The following MMS22L variants were observed in gnomAD, a reference collection of about 807,000 sequenced individuals.
MMS22L encodes the protein MMS22 like, DNA repair protein.
MMS22L carries 74 observed loss-of-function variants against 159.1 expected under a neutral mutation model. The ratio of observed to expected loss-of-function variants is 0.47; its 90% CI spans 0.39 to 0.56. The LOEUF is 0.56. Among genes scored for constraint, MMS22L ranks in the 20% least tolerant of loss-of-function variants. The pLI is 0.00. For missense variants in MMS22L, 1,351 were observed against 1,422.1 expected (o/e 0.95, Z 0.80); for synonymous variants, 517 against 506.9 (o/e 1.02, Z -0.27).
chr6:97,177,173 T>C (rs1258654984), intron 18 of MMS22L, among the ~76,000 whole-genome samples: 1 of 152,112 alleles, frequency 6.6e-6, no homozygotes, highest in African/African-American at 2.4e-5. Flanking sequence ...TTGTTACTTA[T>C]TTTCATTAAA....
intron 14 of MMS22L, among the ~76,000 whole-genome samples, chr6:97,202,301 C>T (rs1807259117): frequency 6.6e-6 from 1 of 152,154 alleles, no homozygotes; most frequent in Non-Finnish European, 1.5e-5. Context: ...TACTCCTGTG[C>T]ACTAACAGAA....
intron 7 of MMS22L, 101 bp downstream of exon 7, chr6:97,269,800 AT>A (rs913351741): frequency 4.3e-4 from 346 of 796,202 alleles, no homozygotes; most frequent in South Asian, 6.9e-4. Flanking sequence ...TTACTATTTG[AT>A]TTTTTTTTAA....
At chr6:97,247,965 G>C (rs1315191444) in intron 10 of MMS22L, among the ~76,000 whole-genome samples, 1 of 152,156 alleles carries the variant, frequency 6.6e-6, no homozygotes, top group Admixed American at 6.5e-5. Context: ...TCTTAATAAA[G>C]AGCACAGTGA....
intron 14 of MMS22L, among the ~76,000 whole-genome samples, chr6:97,192,497 TA>T (rs1805992931): frequency 6.6e-6 from 1 of 152,162 alleles, no homozygotes; most frequent in Admixed American, 6.5e-5. Context: ...AGCATTTAGG[TA>T]AAAATACTTT....
At chr6:97,165,492 A>G (rs1404562406) in intron 20 of MMS22L, 35 bp from the exon 21 acceptor site, 1 of 1,536,764 alleles carries the variant, frequency 6.5e-7, no homozygotes. Context: ...ACTAAGAGGT[A>G]AAGTTTCAAA....
chr6:97,209,215 C>T (rs776071979), intron 14 of MMS22L, among the ~76,000 whole-genome samples: 2 of 151,996 alleles, frequency 1.3e-5, no homozygotes, highest in South Asian at 4.1e-4. Context: ...ACTAGTTATA[C>T]ACATGTACGG....
intron 18 of MMS22L, among the ~76,000 whole-genome samples, chr6:97,174,260 TAAAA>T (rs966525669): frequency 7.8e-6 from 1 of 128,556 alleles, no homozygotes; most frequent in South Asian, 2.4e-4. Flanking sequence ...AAAAAAAAAA[TAAAA>T]AAAAAAAAAA....
At chr6:97,269,799 G>T in intron 7 of MMS22L, 103 bp downstream of exon 7, 2 of 790,614 alleles carry the variant, frequency 2.5e-6, no homozygotes, top group South Asian at 2.2e-5. Flanking sequence ...TTTACTATTT[G>T]ATTTTTTTTT....
In MMS22L at chr6:97,168,251, AGAG is replaced by A. The variant is rs1803179800; in HGVS notation, c.2840-14_2840-12del. On this transcript the variant is annotated splice_polypyrimidine_tract_variant and intron_variant, in intron 19 of 24. Transcript: ENST00000683635. ...ATTTCACAAGAATTCCTAACAAAGAAGAGAAGTAACAGCATGTTGTTGTTATCC... is the reference window on the plus strand; with the variant it reads ...ATTTCACAAGAATTCCTAACAAAGAAAAGTAACAGCATGTTGTTGTTATCC... The A allele has an allele frequency of 1.2e-6, 2 of 1,611,702 alleles. No homozygotes were observed. Among genetic ancestry groups the A allele is most frequent in the Non-Finnish European group, 1.7e-6 (2 of 1,178,686 alleles).
chr6:97,165,608 C>T (rs1339637438), intron 20 of MMS22L, 151 bp from the exon 21 acceptor site: 2 of 689,742 alleles, frequency 2.9e-6, no homozygotes, highest in African/African-American at 1.8e-5. Flanking sequence ...AGATAATGTA[C>T]ATACGAATTA....
chr6:97,236,916 A>T (rs1199014192), intron 11 of MMS22L, among the ~76,000 whole-genome samples: 1 of 151,280 alleles, frequency 6.6e-6, no homozygotes, highest in Non-Finnish European at 1.5e-5. Flanking sequence ...GCGCTACTGC[A>T]CTCCAGCCTG....
chr6:97,256,464 CT>C, intron 9 of MMS22L, among the ~76,000 whole-genome samples: 1 of 152,272 alleles, frequency 6.6e-6, no homozygotes, highest in East Asian at 1.9e-4. Context: ...CACCATTCTT[CT>C]GCCTAAATAT....
chr6:97,212,236 A>G (rs1315051081), intron 14 of MMS22L, among the ~76,000 whole-genome samples: 1 of 152,198 alleles, frequency 6.6e-6, no homozygotes, highest in Non-Finnish European at 1.5e-5. Context: ...TGGGCACTCA[A>G]TAAGTGTACT....
intron 2 of MMS22L, 137 bp downstream of exon 2, chr6:97,282,177 G>T (rs1371536854): frequency 2.5e-6 from 2 of 815,836 alleles, no homozygotes; most frequent in Admixed American, 2.8e-5. Flanking sequence ...ATAATCATTT[G>T]TACCCTTATG....
chr6:97,259,126 A>G (rs1814156315), intron 9 of MMS22L: 1 of 152,130 alleles, frequency 6.6e-6, no homozygotes, highest in South Asian at 2.1e-4. Flanking sequence ...ACACACACAC[A>G]TTGCCTTTTT....
chr6:97,212,788 T>C (rs1808531389), intron 14 of MMS22L, among the ~76,000 whole-genome samples: 1 of 152,182 alleles, frequency 6.6e-6, no homozygotes, highest in African/African-American at 2.4e-5. Flanking sequence ...ACATACGAAA[T>C]GACTGAAGTG....
At chr6:97,196,200 G>A (rs1806481890) in intron 14 of MMS22L, among the ~76,000 whole-genome samples, 1 of 152,040 alleles carries the variant, frequency 6.6e-6, no homozygotes, top group South Asian at 2.1e-4. Context: ...TCCTTTCAAA[G>A]AATGTACAGT....
intron 14 of MMS22L, among the ~76,000 whole-genome samples, chr6:97,219,921 C>A (rs749223637): frequency 3.3e-5 from 5 of 152,162 alleles, no homozygotes; most frequent in African/African-American, 4.8e-5. Context: ...TCCTCAAATA[C>A]CTCTAGTTTT....
chr6:97,169,122 C>T (rs952380989), intron 19 of MMS22L, among the ~76,000 whole-genome samples: 1 of 152,020 alleles, frequency 6.6e-6, no homozygotes, highest in Non-Finnish European at 1.5e-5. Context: ...TCAGTTTTTA[C>T]ACCTTTCCAT....
Sources: allele counts gnomAD v4.1 joint callset (sites outside exome capture counted in the v4.1 genomes callset), GRCh38; gene constraint gnomAD v4.1.1; transcripts MANE v1.5; gene names NCBI Gene and HGNC (gene_info 2026-07-23, HGNC 2026-07-21).